The following LZTFL1 variants were observed in gnomAD, a reference collection of about 807,000 sequenced individuals.
LZTFL1 encodes the protein leucine zipper transcription factor like 1, also known as leucine zipper transcription factor-like protein 1.
LZTFL1 carries 25 observed loss-of-function variants against 45.9 expected under a neutral mutation model. The observed-to-expected ratio is 0.54, with a 90% CI of 0.40 to 0.76. The LOEUF is 0.76. Ranked by LOEUF, LZTFL1 falls within the 30% of genes least tolerant of loss-of-function variation. The pLI is 0.00. For missense variants in LZTFL1, 277 were observed against 331.1 expected, an observed-to-expected ratio of 0.84 and a Z score of 1.27; for synonymous variants, 93 against 117.4, an observed-to-expected ratio of 0.79 and a Z score of 1.35.
chr3:45,869,602 A>G (rs1701638811), intron 2 of LZTFL1, among the ~76,000 whole-genome samples: 1 of 152,146 alleles, frequency 6.6e-6, no homozygotes, highest in Non-Finnish European at 1.5e-5. Context: ...CTCTGAGCCT[A>G]CACCCCCTTG....
rs1700602742 is a variant in LZTFL1 at position 45,823,987 on chromosome 3, C to A, written c.*2327G>T. 1 of 152,116 alleles carries A rather than the reference C, an allele frequency of 6.6e-6. No homozygotes were observed. Among genetic ancestry groups the A allele is most frequent in the Non-Finnish European group, 1.5e-5 (1 of 68,032 alleles). 9.4% of individuals were successfully genotyped at this position (152,116 alleles called of 1,614,324 possible). The stretch of plus-strand genomic sequence containing the variant: ...TATGCTGAGTTTTATAAGACATAAG[C>A]AAATTATCATTTAAACATTTATTTA... On this transcript the variant is annotated 3_prime_UTR_variant, in exon 10 of 10. Transcript: ENST00000296135.
At chr3:45,832,953 A>C (rs2125682786) in intron 5 of LZTFL1, 97 bp downstream of exon 5, 1 of 873,014 alleles carries the variant, frequency 1.1e-6, no homozygotes, top group Middle Eastern at 2.2e-4. Flanking sequence ...AATTATCCTC[A>C]GAGGACCTGA....
chr3:45,831,250 C>CA (rs1700807359), intron 5 of LZTFL1, 112 bp from the exon 6 acceptor site: 1 of 617,846 alleles, frequency 1.6e-6, no homozygotes, highest in Admixed American at 3.3e-5. Context: ...CATAATAGCT[C>CA]AAAAATGTAC....
chr3:45,890,269 A>ATATATTTATAT (rs1466215987), intron 2 of LZTFL1, among the ~76,000 whole-genome samples: 2 of 10,420 alleles, frequency 1.9e-4, no homozygotes, highest in African/African-American at 4.4e-4. Context: ...ATATATATAT[A>ATATATTTATAT]ACATATATAT....
At chr3:45,845,116 C>T (rs540458847), upstream of LZTFL1, among the ~76,000 whole-genome samples, 20 of 152,210 alleles carry the variant, frequency 1.3e-4, no homozygotes, top group Non-Finnish European at 1.9e-4. Flanking sequence ...GATGATGATA[C>T]GCACCAGCTC....
intron 2 of LZTFL1, among the ~76,000 whole-genome samples, chr3:45,860,230 G>C (rs55966195): frequency 1.3e-5 from 2 of 151,858 alleles, no homozygotes; most frequent in African/African-American, 4.8e-5. Context: ...AAATAAATAA[G>C]TAAGTAAAAT....
In LZTFL1 at chr3:45,900,075, T is replaced by C. The variant is rs1185910437; in HGVS notation, c.-215+13045A>G. 1.3e-5 allele frequency among the ~76,000 whole-genome samples: 2 copies of C among 152,182 alleles called. No homozygotes were observed. The highest frequency in any genetic ancestry group is 6.5e-5 in the Admixed American group (1 of 15,280). On this transcript the variant is annotated intron_variant, in intron 2 of 4. Coordinates refer to the LZTFL1 transcript ENST00000472635. The surrounding 1 kb of genome is among the most constrained non-coding windows in gnomAD (Gnocchi z 4.7). ...ATGTACATATGAGTGTGTGTGCTTG[T>C]TGGGGCCAGCTTCATGGCTGTGCAA...
At chr3:45,879,982 G>T (rs998488165) in intron 2 of LZTFL1, among the ~76,000 whole-genome samples, 1 of 152,164 alleles carries the variant, frequency 6.6e-6, no homozygotes, top group African/African-American at 2.4e-5. Context: ...CATCAGGGGT[G>T]GCAGGAGGGA....
At chr3:45,889,886 A>T (rs151040374) in intron 2 of LZTFL1, among the ~76,000 whole-genome samples, 1 of 151,724 alleles carries the variant, frequency 6.6e-6, no homozygotes, top group African/African-American at 2.4e-5. Context: ...CTGCTCCAAC[A>T]TATATCCCTA....
chr3:45,852,226 G>A (rs1267213107), intron 4 of LZTFL1, among the ~76,000 whole-genome samples: 2 of 152,214 alleles, frequency 1.3e-5, no homozygotes, highest in Non-Finnish European at 2.9e-5. Context: ...GTTGATAGGA[G>A]GATAAGCTAG....
intron 2 of LZTFL1, among the ~76,000 whole-genome samples, chr3:45,866,138 C>T (rs541254044): frequency 3.3e-5 from 5 of 152,120 alleles, no homozygotes; most frequent in South Asian, 2.1e-4. Flanking sequence ...GGGGTGGTGG[C>T]GTGGTGGGAG....
At chr3:45,847,999 A>AT (rs1215354379) in intron 4 of LZTFL1, among the ~76,000 whole-genome samples, 1 of 152,188 alleles carries the variant, frequency 6.6e-6, no homozygotes, top group Non-Finnish European at 1.5e-5. Flanking sequence ...CAACTAAGAT[A>AT]TTTTTAAAGC....
intron 5 of LZTFL1, 32 bp downstream of exon 5, chr3:45,833,018 A>AG (rs1157038004): frequency 6.6e-7 from 1 of 1,513,772 alleles, no homozygotes. Flanking sequence ...ACAGAATGAG[A>AG]GACTTTCCGT....
intron 4 of LZTFL1, among the ~76,000 whole-genome samples, chr3:45,852,313 G>GAATTTATTTAAGAA (rs1701321506): frequency 6.6e-6 from 1 of 152,172 alleles, no homozygotes; most frequent in African/African-American, 2.4e-5. Flanking sequence ...CCAGCAATTT[G>GAATTTATTTAAGAA]CCTTCACTTC....
At chr3:45,846,894 T>C (rs760324720), upstream of LZTFL1, among the ~76,000 whole-genome samples, 1 of 152,204 alleles carries the variant, frequency 6.6e-6, no homozygotes, top group Non-Finnish European at 1.5e-5. Flanking sequence ...AAAATGTTTC[T>C]ACGTGGTACC....
In LZTFL1 at chr3:45,824,850, C is replaced by T. The variant is rs922447320; in HGVS notation, c.*1464G>A. ...CCTCAACAAAAGCTCCAAAAGGGCA[C>T]AGAAACTGGTAAGTGACCTAAATAT... On this transcript the variant is annotated 3_prime_UTR_variant, in exon 10 of 10. Coordinates refer to ENST00000296135, the MANE Select transcript of LZTFL1 (RefSeq NM_020347.4). 5.0e-6 allele frequency: 2 copies of T among 398,256 alleles called. No individual in the cohort carries two copies. The highest frequency in any genetic ancestry group is 2.5e-4 in the South Asian group (2 of 7,860). The allele number at this position is 398,256 out of a possible 1,614,324, so 24.7% of individuals were successfully genotyped here.
At chr3:45,893,175 G>A (rs1702245148) in intron 2 of LZTFL1, among the ~76,000 whole-genome samples, 1 of 147,308 alleles carries the variant, frequency 6.8e-6, no homozygotes, top group East Asian at 2.0e-4. Flanking sequence ...TTTTGTTTGA[G>A]ATGGAGTCTT....
intron 2 of LZTFL1, among the ~76,000 whole-genome samples, chr3:45,906,682 G>A (rs562726863): frequency 5.3e-5 from 8 of 152,336 alleles, no homozygotes; most frequent in Non-Finnish European, 8.8e-5. Flanking sequence ...AATCGAGAAG[G>A]TTCCTAGCTG....
intron 2 of LZTFL1, among the ~76,000 whole-genome samples, chr3:45,893,685 T>C (rs914608017): frequency 6.6e-6 from 1 of 152,260 alleles, no homozygotes; most frequent in African/African-American, 2.4e-5. Context: ...CTTATCCATT[T>C]ACTACTTGAT....
Sources: allele counts gnomAD v4.1 joint callset (sites outside exome capture counted in the v4.1 genomes callset), GRCh38; gene constraint gnomAD v4.1.1; non-coding constraint Gnocchi (gnomAD v3.1); transcripts MANE v1.5; gene names NCBI Gene and HGNC (gene_info 2026-07-23, HGNC 2026-07-21).